ARID4B: variants seen among roughly 807,000 people sequenced by gnomAD.
ARID4B encodes the protein AT-rich interaction domain 4B.
A neutral mutation model predicts 147.5 loss-of-function variants in ARID4B; 26 were observed. That is an observed-to-expected ratio of 0.18 (90% CI 0.13 to 0.24). The LOEUF (loss-of-function observed/expected upper bound fraction) is 0.24, where lower values mean the gene tolerates loss of function less well. Among genes scored for constraint, ARID4B ranks in the 10% least tolerant of loss-of-function variants. ARID4B has a pLI of 1.00. For missense variants in ARID4B, 1,179 were observed against 1,511.5 expected, an observed-to-expected ratio of 0.78 and a Z score of 3.65; for synonymous variants, 512 against 507.9, an observed-to-expected ratio of 1.01 and a Z score of -0.11.
chr1:235,186,433 C>T (rs571834535), intron 19 of ARID4B, among the ~76,000 whole-genome samples: 1 of 149,068 alleles, frequency 6.7e-6, no homozygotes, highest in African/African-American at 2.5e-5. Flanking sequence ...TTTTAAGAGA[C>T]AGAGTCTCGC....
intron 19 of ARID4B, among the ~76,000 whole-genome samples, chr1:235,193,615 CTACTAGTA>C (rs1357023843): frequency 1.3e-5 from 2 of 152,146 alleles, no homozygotes; most frequent in African/African-American, 4.8e-5. Context: ...GCCCTTGGAT[CTACTAGTA>C]ATAAAAAATT....
Position 235,240,336 on chromosome 1 carries a change from T to C in ARID4B, c.562A>G (p.Lys188Glu). 6.2e-7 allele frequency: 1 copy of C among 1,613,296 alleles called. No individual in the cohort carries two copies. Among genetic ancestry groups the C allele is most frequent in the South Asian group, 1.1e-5 (1 of 90,950 alleles). The change falls in exon 8 of 24, where the codon AAA becomes GAA. Residue 188 changes from lysine to glutamate, a missense_variant. Coordinates refer to ENST00000264183, the MANE Select transcript of ARID4B (RefSeq NM_016374.6). Reference sequence around the variant, plus strand: ...ACCAATGCAGGAAACCACAGTGCTTTCTTTTTATCCAAACTAATGTAATCT... The same window carrying C: ...ACCAATGCAGGAAACCACAGTGCTTCCTTTTTATCCAAACTAATGTAATCT... ...CVDYISLDKK[K>E]ALWFPALVVC...
chr1:235,315,393 G>A (rs1184223848), intron 2 of ARID4B, among the ~76,000 whole-genome samples: 1 of 152,132 alleles, frequency 6.6e-6, no homozygotes, highest in Non-Finnish European at 1.5e-5. Flanking sequence ...TTGCGCCACC[G>A]CACTCCAACC....
At chr1:235,273,614 T>C (rs975593170) in intron 2 of ARID4B, among the ~76,000 whole-genome samples, 1 of 152,232 alleles carries the variant, frequency 6.6e-6, no homozygotes, top group East Asian at 1.9e-4. Context: ...AATGTAGTCA[T>C]ATAGTAGCTA....
intron 8 of ARID4B, among the ~76,000 whole-genome samples, chr1:235,238,728 C>T (rs1668782930): frequency 1.3e-5 from 2 of 151,924 alleles, no homozygotes; most frequent in African/African-American, 4.8e-5. Context: ...TGGTGGTCTC[C>T]ACCTGTAGTG....
At chr1:235,303,244 A>T (rs1167510771) in intron 2 of ARID4B, among the ~76,000 whole-genome samples, 1 of 152,112 alleles carries the variant, frequency 6.6e-6, no homozygotes, top group Non-Finnish European at 1.5e-5. Context: ...ATTCTTAACC[A>T]ATGACGCTGT....
chr1:235,168,584 A>C lies in ARID4B; in HGVS notation c.3880T>G (p.Leu1294Val), dbSNP rs1182385781. The C allele has an allele frequency of 1.2e-6, 2 of 1,614,004 alleles. No homozygotes were observed. The highest frequency in any genetic ancestry group is 1.1e-5 in the South Asian group (1 of 91,080). The change falls in exon 24 of 24, where the codon TTA becomes GTA. Residue 1294 changes from leucine to valine, a missense_variant. By Grantham distance (32) the Leu-to-Val change is conservative. Around this residue, in one of 10 missense-constraint regions of ARID4B, gnomAD observed 357 missense variants for 427.3 expected, o/e 0.84. Coordinates refer to ENST00000264183, the MANE Select transcript of ARID4B (RefSeq NM_016374.6). ...SSITAAVMLT[L>V]AEPSMSSASQ... ...GCGCTGGACATTGACGGTTCAGCTA[A>C]AGTTAACATAACAGCAGCTGTTATG... is the stretch of plus-strand genomic sequence containing the variant.
intron 23 of ARID4B, 21 bp from the exon 24 acceptor site, chr1:235,168,673 A>G: frequency 6.2e-7 from 1 of 1,601,638 alleles, no homozygotes; most frequent in Non-Finnish European, 8.5e-7. Context: ...GGGAGACCAA[A>G]CCAAGAGCTT....
intron 18 of ARID4B, 104 bp from the exon 19 acceptor site, chr1:235,194,315 A>G: frequency 1.1e-6 from 1 of 894,974 alleles, no homozygotes. Flanking sequence ...GTTGTTAAAT[A>G]TTTAACATAA....
At chr1:235,276,360 C>G (rs1037654206) in intron 2 of ARID4B, among the ~76,000 whole-genome samples, 1 of 152,078 alleles carries the variant, frequency 6.6e-6, no homozygotes, top group African/African-American at 2.4e-5. Flanking sequence ...TAAGCCCTTA[C>G]CAGATGCGTC....
At chr1:235,248,011 T>C (rs1201899221) in intron 6 of ARID4B, among the ~76,000 whole-genome samples, 1 of 151,982 alleles carries the variant, frequency 6.6e-6, no homozygotes, top group African/African-American at 2.4e-5. Flanking sequence ...TAAAAATTAT[T>C]TGGAGGCAAA....
chr1:235,274,823 A>C (rs1200805394), intron 2 of ARID4B, among the ~76,000 whole-genome samples: 2 of 152,196 alleles, frequency 1.3e-5, no homozygotes, highest in Non-Finnish European at 2.9e-5. Context: ...CAGTTTCTCC[A>C]CTTCTAAAAA....
At chr1:235,199,845 T>A (rs1665765986) in intron 17 of ARID4B, among the ~76,000 whole-genome samples, 1 of 152,142 alleles carries the variant, frequency 6.6e-6, no homozygotes. Flanking sequence ...GTCTGATAGA[T>A]CTTACAAGAA....
At chr1:235,259,538 T>C (rs1558254552) in intron 3 of ARID4B, among the ~76,000 whole-genome samples, 2 of 152,210 alleles carry the variant, frequency 1.3e-5, no homozygotes, top group African/African-American at 4.8e-5. Flanking sequence ...CTCTACAGGA[T>C]AGTACTGGCA....
At chr1:235,290,215 G>A (rs762465855) in intron 2 of ARID4B, among the ~76,000 whole-genome samples, 1 of 151,976 alleles carries the variant, frequency 6.6e-6, no homozygotes, top group Non-Finnish European at 1.5e-5. Context: ...AATGCAGGCC[G>A]GGCAGATCAC....
chr1:235,268,469 G>A (rs893452166), intron 2 of ARID4B, among the ~76,000 whole-genome samples: 7 of 152,184 alleles, frequency 4.6e-5, no homozygotes, highest in East Asian at 3.9e-4. Context: ...AGTACTAAGA[G>A]CAACCAAAAG....
chr1:235,271,891 G>A (rs1469988119), intron 2 of ARID4B, among the ~76,000 whole-genome samples: 3 of 151,904 alleles, frequency 2.0e-5, no homozygotes, highest in African/African-American at 4.8e-5. Context: ...GGAGGTTGCA[G>A]TGAGCCGAGA....
chr1:235,183,591 C>T (rs192726006), intron 19 of ARID4B, among the ~76,000 whole-genome samples: 1 of 152,284 alleles, frequency 6.6e-6, no homozygotes, highest in Non-Finnish European at 1.5e-5. Context: ...AGCTGGAGTG[C>T]AGTGGCACAA....
At chr1:235,227,172 C>A (rs1166906189) in intron 11 of ARID4B, among the ~76,000 whole-genome samples, 2 of 151,960 alleles carry the variant, frequency 1.3e-5, no homozygotes, top group East Asian at 1.9e-4. Context: ...TGAGTAGCAG[C>A]AACATATGTA....
Sources: gnomAD v4.1 joint callset for allele counts (sites outside exome capture counted in the v4.1 genomes callset) on GRCh38, gnomAD v4.1.1 for gene constraint, gnomAD v4.1.1 regional missense constraint, MANE v1.5 for transcripts, NCBI Gene and HGNC (gene_info 2026-07-23, HGNC 2026-07-21) for gene names.